DACH2: variants seen among roughly 807,000 people sequenced by gnomAD.
DACH2 encodes dachshund family transcription factor 2, also known as dachshund homolog 2.
In DACH2, 17 loss-of-function variants were observed where a neutral mutation model predicts 35.8. The ratio of observed to expected loss-of-function variants is 0.48; its 90% CI spans 0.33 to 0.71. The LOEUF is 0.71. DACH2 is among the 30% of genes least tolerant of loss of function. The probability of loss-of-function intolerance (pLI) is 0.02; values close to 1 mark genes in which losing one functional copy is unlikely to be tolerated. For missense variants in DACH2, 469 were observed against 472.7 expected (o/e 0.99, Z 0.07); for synonymous variants, 195 against 177.3 (o/e 1.10, Z -0.79).
chrX:86,554,439 T>G (rs1317368765), intron 3 of DACH2, among the ~76,000 whole-genome samples: 1 of 111,814 alleles, frequency 8.9e-6, no homozygotes, highest in Non-Finnish European at 1.9e-5. Flanking sequence ...ATATATCAGA[T>G]AGAAAGTTCT....
chrX:86,411,188 T>G (rs1185534346), intron 2 of DACH2, among the ~76,000 whole-genome samples: 2 of 105,798 alleles, frequency 1.9e-5, no homozygotes, highest in Non-Finnish European at 3.9e-5. Flanking sequence ...GCAGGAAGGA[T>G]GCAGCACAGC....
At chrX:86,477,155 G>C (rs1307614406) in intron 2 of DACH2, among the ~76,000 whole-genome samples, 1 of 109,036 alleles carries the variant, frequency 9.2e-6, no homozygotes. Context: ...GATAGATTAG[G>C]TTTATTTGGT....
chrX:86,236,736 G>A (rs1329251749), intron 1 of DACH2, among the ~76,000 whole-genome samples: 1 of 112,136 alleles, frequency 8.9e-6, no homozygotes, highest in Non-Finnish European at 1.9e-5. Context: ...AGGGCACCAT[G>A]AACAATATGT....
At chrX:86,160,502 G>A in intron 1 of DACH2, 2 of 531,483 alleles carry the variant, frequency 3.8e-6, no homozygotes, top group Non-Finnish European at 3.4e-6. Context: ...CTTCAGTACA[G>A]CAAACTTGCA....
intron 4 of DACH2, among the ~76,000 whole-genome samples, chrX:86,653,144 G>T (rs994890197): frequency 2.7e-5 from 3 of 111,768 alleles, no homozygotes; most frequent in African/African-American, 9.8e-5. Flanking sequence ...TCAGTCTTCG[G>T]CATACAGCTA....
intron 2 of DACH2, among the ~76,000 whole-genome samples, chrX:86,445,567 A>C (rs1206330077): frequency 9.3e-5 from 1 of 10,802 alleles, no homozygotes; most frequent in Non-Finnish European, 1.5e-4. Flanking sequence ...CAGAGTGAAC[A>C]AAAAAAAAAA....
intron 3 of DACH2, among the ~76,000 whole-genome samples, chrX:86,605,620 T>C (rs2039846966): frequency 9.0e-6 from 1 of 111,522 alleles, no homozygotes. Context: ...TTGGCCATTT[T>C]CTTTTAAAAA....
intron 3 of DACH2, among the ~76,000 whole-genome samples, chrX:86,584,633 AT>A (rs1448030857): frequency 1.8e-5 from 2 of 110,854 alleles, no homozygotes; most frequent in African/African-American, 3.3e-5. Flanking sequence ...AGCATACCAC[AT>A]TTTTTGGGTC....
At chrX:86,604,815 C>T (rs1045773748) in intron 3 of DACH2, among the ~76,000 whole-genome samples, 4 of 111,109 alleles carry the variant, frequency 3.6e-5, no homozygotes, top group African/African-American at 1.3e-4. Flanking sequence ...AGTGGTGACT[C>T]AGAAGGGGAA....
chrX:86,397,922 A>G (rs1242816140), intron 2 of DACH2, among the ~76,000 whole-genome samples: 1 of 111,504 alleles, frequency 9.0e-6, no homozygotes, highest in Non-Finnish European at 1.9e-5. Flanking sequence ...GTTAGGGAGG[A>G]TTCCCTCTTT....
rs558401303 is a variant in DACH2, at chrX:86,817,814, T to C, written c.1750+1715T>C. On this transcript the variant is annotated intron_variant, in intron 11 of 11. Transcript: ENST00000373125. ...ATCCACTCTTCGTTTCCAAATTCTT[T>C]TATGAAGTCTACCAAGAATGGATTT... Among the ~76,000 whole-genome samples the C allele has an allele frequency of 7.1e-5, 8 of 112,069 alleles. No individual in the cohort carries two copies. The South Asian group carries it at 2.9e-3, about 41-fold the overall frequency.
intron 1 of DACH2, among the ~76,000 whole-genome samples, chrX:86,213,724 T>A (rs914286599): frequency 2.7e-5 from 3 of 110,602 alleles, no homozygotes; most frequent in Non-Finnish European, 5.7e-5. Context: ...AGTTCATGAC[T>A]TAAATTACCA....
chrX:86,813,217 A>G lies in DACH2; in HGVS notation c.1477A>G (p.Arg493Gly), dbSNP rs2042411984. ...EKKELRLELY[R>G]EREIRENLER... ...GAAGGAGCTGCGACTGGAGCTCTAT[A>G]GAGAGAGAGAAATTAGAGAAAACCT... is the stretch of plus-strand genomic sequence containing the variant. The change falls in exon 9 of 12, where the codon AGA becomes GGA. Residue 493 changes from arginine to glycine, a missense_variant. Physicochemically the swap from Arg to Gly is moderately radical, Grantham distance 125 (BLOSUM62 -2). Around this residue, in one of 3 missense-constraint regions of DACH2, gnomAD observed 363 missense variants for 334.4 expected, o/e 1.09. Coordinates refer to ENST00000373125, the MANE Select transcript of DACH2 (RefSeq NM_053281.3). The G allele has an allele frequency of 1.0e-5, 12 of 1,200,160 alleles. No individual in the cohort carries two copies. Among genetic ancestry groups the G allele is most frequent in the Non-Finnish European group, 1.3e-5 (12 of 890,930 alleles).
At chrX:86,631,212 C>T (rs2040197361) in intron 3 of DACH2, among the ~76,000 whole-genome samples, 1 of 112,043 alleles carries the variant, frequency 8.9e-6, no homozygotes, top group Admixed American at 9.5e-5. Flanking sequence ...CTATAACTAC[C>T]TTCATGTGGT....
chrX:86,236,410 C>T (rs749873053), intron 1 of DACH2, among the ~76,000 whole-genome samples: 15 of 111,945 alleles, frequency 1.3e-4, no homozygotes, highest in South Asian at 7.4e-4. Context: ...CAAGCCCATA[C>T]GTTATATATT....
intron 5 of DACH2, among the ~76,000 whole-genome samples, chrX:86,707,922 A>AAAAAAAAAAAAAAAAAAAAAAAAAAT (rs2041236701): frequency 9.9e-6 from 1 of 101,228 alleles, no homozygotes; most frequent in African/African-American, 3.7e-5. Flanking sequence ...TAAAAAAAAA[A>AAAAAAAAAAAAAAAAAAAAAAAAAAT]AAAAAAAATT....
At chrX:86,350,312 A>T (rs1428169390) in intron 1 of DACH2, among the ~76,000 whole-genome samples, 1 of 24,657 alleles carries the variant, frequency 4.1e-5, no homozygotes, top group Non-Finnish European at 6.3e-5. Flanking sequence ...ATTTTCTCCC[A>T]TGTTGTAGGT....
chrX:86,308,315 A>T, intron 1 of DACH2, among the ~76,000 whole-genome samples: 1 of 112,792 alleles, frequency 8.9e-6, no homozygotes. Flanking sequence ...TTGGATCCTT[A>T]GGTGGCAGAG....
At chrX:86,340,602 C>A (rs2035396513) in intron 1 of DACH2, among the ~76,000 whole-genome samples, 1 of 111,435 alleles carries the variant, frequency 9.0e-6, no homozygotes, top group African/African-American at 3.3e-5. Flanking sequence ...TCACACATCT[C>A]TCACTTTAAA....
Sources: allele counts gnomAD v4.1 joint callset (sites outside exome capture counted in the v4.1 genomes callset), GRCh38; gene constraint gnomAD v4.1.1; regional missense constraint gnomAD v4.1.1; transcripts MANE v1.5; gene names NCBI Gene and HGNC (gene_info 2026-07-23, HGNC 2026-07-21).